The following FAM184A variants were observed in gnomAD, a reference collection of about 807,000 sequenced individuals.
The protein encoded by FAM184A is family with sequence similarity 184 member A.
Under a neutral mutation model 143.8 loss-of-function variants are expected in FAM184A, and 99 were observed. The observed-to-expected ratio is 0.69, with a 90% confidence interval of 0.58 to 0.81. FAM184A has a LOEUF of 0.81. Ranked by LOEUF, FAM184A falls within the 40% of genes least tolerant of loss-of-function variation. The pLI is 0.00. For missense variants in FAM184A, 1,217 were observed against 1,310.5 expected (o/e 0.93, Z 1.10); for synonymous variants, 427 against 446.4 (o/e 0.96, Z 0.55).
intron 1 of FAM184A, among the ~76,000 whole-genome samples, chr6:119,118,963 A>G (rs1394045309): frequency 1.3e-5 from 2 of 152,222 alleles, no homozygotes; most frequent in African/African-American, 2.4e-5. Flanking sequence ...AGCAAGGAAC[A>G]TCCCTGAGAA....
At chr6:119,128,843 G>A (rs981804353) in intron 1 of FAM184A, among the ~76,000 whole-genome samples, 2 of 151,708 alleles carry the variant, frequency 1.3e-5, no homozygotes, top group Admixed American at 1.3e-4. Flanking sequence ...ATGGGGGAGG[G>A]GCCCTGGAAT....
chr6:119,128,112 A>T (rs1265764501), intron 1 of FAM184A, among the ~76,000 whole-genome samples: 85 of 152,240 alleles, frequency 5.6e-4, no homozygotes, highest in African/African-American at 2.0e-3. Flanking sequence ...ATTAACATTA[A>T]AACAGAGATC....
Position 119,119,071 on chromosome 6 carries a change from C to T in FAM184A, c.-202+30007G>A, listed in dbSNP as rs959918723. Among the ~76,000 whole-genome samples the T allele has an allele frequency of 2.0e-5, 3 of 152,294 alleles. No homozygotes were observed. The East Asian group carries it at 5.8e-4, about 29-fold the overall frequency. ...GTAGGGATGAAATAAGCCCCAGTCT[C>T]CCATAGCGCCCCCAGGCTTATTAGG... On this transcript the variant is annotated intron_variant, in intron 1 of 16. Transcript: ENST00000352896.
intron 1 of FAM184A, among the ~76,000 whole-genome samples, chr6:119,097,286 T>G (rs1210475355): frequency 2.0e-5 from 3 of 152,148 alleles, no homozygotes; most frequent in African/African-American, 7.2e-5. Flanking sequence ...CTTTTCCTCT[T>G]CCTCCTTCCT....
chr6:119,075,897 T>C (rs1450915398), intron 1 of FAM184A, among the ~76,000 whole-genome samples: 7 of 152,242 alleles, frequency 4.6e-5, no homozygotes, highest in South Asian at 2.1e-4. Flanking sequence ...AAGTCTTATA[T>C]GTTTGTAGAA....
chr6:118,961,386 T>C (rs1783319538), intron 17 of FAM184A, among the ~76,000 whole-genome samples: 2 of 150,768 alleles, frequency 1.3e-5, no homozygotes, highest in Non-Finnish European at 3.0e-5. Flanking sequence ...AATAAACATA[T>C]ATAAAAAACA....
At chr6:119,135,764 C>A (rs915482363) in intron 1 of FAM184A, among the ~76,000 whole-genome samples, 1 of 152,162 alleles carries the variant, frequency 6.6e-6, no homozygotes, top group Non-Finnish European at 1.5e-5. Context: ...CAGATCCATA[C>A]TTCACGCAAA....
chr6:119,047,183 C>T (rs761073561), intron 1 of FAM184A, among the ~76,000 whole-genome samples: 2 of 152,094 alleles, frequency 1.3e-5, no homozygotes, highest in African/African-American at 2.4e-5. Flanking sequence ...AATGAGATAT[C>T]ATCTCATTCC....
chr6:118,971,556 A>AC (rs1783697770), intron 14 of FAM184A, among the ~76,000 whole-genome samples: 1 of 152,080 alleles, frequency 6.6e-6, no homozygotes, highest in African/African-American at 2.4e-5. Context: ...GATAAAAAAA[A>AC]ATCAAACAGC....
chr6:119,024,819 T>C lies in FAM184A; in HGVS notation c.160-6A>G, dbSNP rs781687662. 6.4e-7 allele frequency: 1 copy of C among 1,571,970 alleles called. No homozygotes were observed. The highest frequency in any genetic ancestry group is 8.6e-7 in the Non-Finnish European group (1 of 1,163,792). ...GTGTTTAAAGCATATATTACCTGCA[T>C]GGTTTTGAATAAGAAGGGAGAAGGA... On this transcript the variant is annotated splice_region_variant and splice_polypyrimidine_tract_variant and intron_variant, in intron 1 of 17. Transcript: ENST00000338891.
intron 1 of FAM184A, among the ~76,000 whole-genome samples, chr6:119,124,365 A>G (rs1053184698): frequency 1.3e-5 from 2 of 152,188 alleles, no homozygotes; most frequent in South Asian, 2.1e-4. Context: ...GCAATGTTTT[A>G]TGTAAATTGT....
chr6:119,141,295 G>A (rs1262499013), intron 1 of FAM184A, among the ~76,000 whole-genome samples: 1 of 152,152 alleles, frequency 6.6e-6, no homozygotes, highest in Non-Finnish European at 1.5e-5. Context: ...TCACCAGGTG[G>A]CCCTGTCCAA....
At chr6:119,002,273 C>G (rs191544705) in intron 9 of FAM184A, among the ~76,000 whole-genome samples, 10 of 152,266 alleles carry the variant, frequency 6.6e-5, no homozygotes, top group Admixed American at 5.9e-4. Flanking sequence ...TATTTAATGA[C>G]TTGCTCTGCG....
chr6:119,106,749 G>C (rs1788796075), intron 1 of FAM184A, among the ~76,000 whole-genome samples: 1 of 152,150 alleles, frequency 6.6e-6, no homozygotes. Flanking sequence ...ATCTTATGTG[G>C]CACAAAGATG....
intron 1 of FAM184A, among the ~76,000 whole-genome samples, chr6:119,144,203 G>T (rs904408299): frequency 6.6e-6 from 1 of 151,350 alleles, no homozygotes; most frequent in Non-Finnish European, 1.5e-5. Flanking sequence ...GTGTGGTGGC[G>T]GGCGCCTGTA....
chr6:119,102,476 G>GA (rs1252239002), intron 1 of FAM184A, among the ~76,000 whole-genome samples: 2 of 152,056 alleles, frequency 1.3e-5, no homozygotes, highest in Non-Finnish European at 2.9e-5. Context: ...ATTACCAGCA[G>GA]AAAATCTTGA....
chr6:118,990,068 C>T (rs368230634), intron 9 of FAM184A, among the ~76,000 whole-genome samples: 2 of 152,090 alleles, frequency 1.3e-5, no homozygotes, highest in African/African-American at 2.4e-5. Context: ...CCTCGTGATC[C>T]GCTGGCCTCG....
chr6:119,046,946 C>A (rs1786557517), intron 1 of FAM184A, among the ~76,000 whole-genome samples: 1 of 152,076 alleles, frequency 6.6e-6, no homozygotes, highest in Non-Finnish European at 1.5e-5. Flanking sequence ...GAAGAGACAA[C>A]CCACAGAGTA....
chr6:119,136,284 CA>C lies in FAM184A; in HGVS notation c.-202+12793del, dbSNP rs11454485. Among the ~76,000 whole-genome samples the C allele has an allele frequency of 6.9e-3, 457 of 65,876 alleles. 1 individual carries two copies. Among genetic ancestry groups the C allele is most frequent in the African/African-American group, 0.019 (310 of 15,998 alleles). 43.2% of individuals were successfully genotyped at this position (65,876 alleles called of 152,430 possible). On this transcript the variant is annotated intron_variant, in intron 1 of 16. Transcript: ENST00000352896. Reference sequence around the variant, plus strand: ...TGGGCGACAGAGCGAGACTCCGTCTCAAAAAAAAAAAAAAAAAAAAAAAGAA... The same window carrying C: ...TGGGCGACAGAGCGAGACTCCGTCTCAAAAAAAAAAAAAAAAAAAAAAGAA...
Sources: gnomAD v4.1 joint callset for allele counts (sites outside exome capture counted in the v4.1 genomes callset) on GRCh38, gnomAD v4.1.1 for gene constraint, MANE v1.5 for transcripts, NCBI Gene and HGNC (gene_info 2026-07-23, HGNC 2026-07-21) for gene names.